SEMA4B: variants seen among roughly 807,000 people sequenced by gnomAD.
SEMA4B encodes the protein semaphorin 4B.
In SEMA4B, 55 loss-of-function variants were observed where a neutral mutation model predicts 88.1. The observed-to-expected ratio is 0.62, with a 90% CI of 0.50 to 0.78. The LOEUF (loss-of-function observed/expected upper bound fraction) is 0.78, where lower values mean the gene tolerates loss of function less well. SEMA4B is among the 30% of genes least tolerant of loss of function. SEMA4B has a pLI of 0.00. For synonymous variants in SEMA4B, 525 were observed against 473.6 expected (o/e 1.11, Z -1.41); for missense variants, 1,062 against 1,111.9 (o/e 0.96, Z 0.64).
chr15:90,196,738 C>T (rs4932167), upstream of SEMA4B, among the ~76,000 whole-genome samples: 18,323 of 152,138 alleles, frequency 0.12, 1,926 homozygotes, highest in East Asian at 0.56. Flanking sequence ...CCGCCCGCCT[C>T]AGCCTCCCAA....
At chr15:90,197,902 ATTTAT>A (rs572430133), upstream of SEMA4B, among the ~76,000 whole-genome samples, 1,954 of 151,110 alleles carry the variant, frequency 0.013, 45 homozygotes, top group African/African-American at 0.045. Flanking sequence ...CACTAGATTT[ATTTAT>A]TTTATTATTA....
Position 90,225,723 on chromosome 15 carries a change from G to A in SEMA4B, c.1584G>A (p.Leu528=), listed in dbSNP as rs373109089. 1.9e-6 allele frequency: 3 copies of A among 1,571,546 alleles called. No homozygotes were observed. Among genetic ancestry groups the A allele is most frequent in the Non-Finnish European group, 8.6e-7 (1 of 1,159,422 alleles). Reference sequence around the variant, plus strand: ...AGGTGCCCATGGCCAACTGCAGCCTGTACAGGAGCTGTGGGGACTGCCTCC... The same window carrying A: ...AGGTGCCCATGGCCAACTGCAGCCTATACAGGAGCTGTGGGGACTGCCTCC... ...VVQVPMANCS[L]YRSCGDCLLA... is the part of the protein sequence containing the mutation. The change falls in exon 12 of 14, where the codon CTG becomes CTA. Residue 528 remains leucine, a synonymous_variant. Coordinates refer to ENST00000411539, the MANE Select transcript of SEMA4B (RefSeq NM_198925.4).
Position 90,229,293 on chromosome 15 carries a change from G to GT in SEMA4B, c.*651dup, listed in dbSNP as rs1185722424. On this transcript the variant is annotated 3_prime_UTR_variant, in exon 14 of 14. Coordinates refer to ENST00000411539, the MANE Select transcript of SEMA4B (RefSeq NM_198925.4). ...CCCAACTCCTGGACCTTTCCAGCCT[G>GT]TATCAGGCTGTGGCCACACGAGAGG... 2 of 456,870 alleles carry GT rather than the reference G, an allele frequency of 4.4e-6. No homozygotes were observed. The highest frequency in any genetic ancestry group is 4.7e-5 in the Admixed American group (2 of 42,576). The allele number at this position is 456,870 out of a possible 1,614,324, so 28.3% of individuals were successfully genotyped here.
chr15:90,227,521 T>G (rs745361565), intron 12 of SEMA4B, 36 bp from the exon 13 acceptor site: 2 of 1,606,058 alleles, frequency 1.2e-6, no homozygotes, highest in Admixed American at 3.4e-5. Flanking sequence ...CTCAGGGGAC[T>G]TCCTGGCCAA....
intron 1 of SEMA4B, among the ~76,000 whole-genome samples, chr15:90,216,114 G>T (rs139797032): frequency 1.3e-5 from 2 of 151,512 alleles, no homozygotes; most frequent in African/African-American, 2.4e-5. Flanking sequence ...TCAGCCTCCC[G>T]AGTAGCTGGG....
chr15:90,214,377 C>G (rs1961427239), intron 1 of SEMA4B, among the ~76,000 whole-genome samples: 1 of 150,544 alleles, frequency 6.6e-6, no homozygotes, highest in South Asian at 2.1e-4. Context: ...GTGGCTCACG[C>G]CTGTAATCCC....
intron 1 of SEMA4B, among the ~76,000 whole-genome samples, chr15:90,191,511 C>G (rs957945474): frequency 1.3e-5 from 2 of 152,152 alleles, no homozygotes; most frequent in Non-Finnish European, 2.9e-5. Flanking sequence ...CTCTCTCCAG[C>G]CACCCATGAA....
Position 90,228,145 on chromosome 15 carries a change from A to G in SEMA4B, c.2016A>G (p.Pro672=), listed in dbSNP as rs1280318048. 1 of 1,611,580 alleles carries G rather than the reference A, an allele frequency of 6.2e-7. No individual in the cohort carries two copies. Among genetic ancestry groups the G allele is most frequent in the South Asian group, 1.1e-5 (1 of 90,636 alleles). ...GFQQLVASYC[P]EVVEDGVADQ... is the part of the protein sequence containing the mutation. ...AGCAGCTGGTAGCCAGCTACTGCCC[A>G]GAGGTGGTGGAGGACGGGGTGGCAG... is the stretch of plus-strand genomic sequence containing the variant. The change falls in exon 14 of 14, where the codon CCA becomes CCG. Residue 672 remains proline, a synonymous_variant. Transcript: ENST00000411539.
rs114583553 is a variant in SEMA4B at position 90,220,071 on chromosome 15, C to T, written c.483+180C>T. On this transcript the variant is annotated intron_variant, in intron 4 of 13. Transcript: ENST00000411539. ...ACCCTGGCACAAAGCGCAGCCCTGA[C>T]AGCCATGTCTCCCTGTGCGGGGAGG... The T allele has an allele frequency of 3.1e-3, 1,693 of 544,134 alleles. 26 individuals are homozygous for T. The highest frequency in any genetic ancestry group is 0.029 in the African/African-American group (1,503 of 52,184). The allele number at this position is 544,134 out of a possible 1,614,324, so 33.7% of individuals were successfully genotyped here.
rs1278831491 is a variant in SEMA4B at position 90,225,755 on chromosome 15, G to A, written c.1616G>A (p.Arg539Gln). 1.0e-5 allele frequency: 16 copies of A among 1,577,872 alleles called. No individual in the cohort carries two copies. Among genetic ancestry groups the A allele is most frequent in the East Asian group, 4.7e-5 (2 of 42,646 alleles). ...YRSCGDCLLA[R>Q]DPYCAWSGSS... is the part of the protein sequence containing the mutation. ...AGCTGTGGGGACTGCCTCCTCGCCCGGGACCCCTACTGTGCTTGGAGCGGC... is the reference window on the plus strand; with the variant it reads ...AGCTGTGGGGACTGCCTCCTCGCCCAGGACCCCTACTGTGCTTGGAGCGGC... The change falls in exon 12 of 14, where the codon CGG (arginine) becomes CAG (glutamine). Residue 539 changes from arginine (R) to glutamine (Q), a missense_variant. Arg to Gln is a conservative substitution (Grantham distance 43). Transcript: ENST00000411539.
chr15:90,184,985 C>G (rs1209812233), exon 1 of SEMA4B: 8 of 985,870 alleles, frequency 8.1e-6, no homozygotes, highest in Non-Finnish European at 8.4e-6. Flanking sequence ...AGGGGCTGCG[C>G]CGGGCCGGCC....
At chr15:90,192,586 C>CTTTTTTT (rs67328606) in intron 1 of SEMA4B, among the ~76,000 whole-genome samples, 8 of 88,664 alleles carry the variant, frequency 9.0e-5, no homozygotes, top group Admixed American at 1.4e-4. Flanking sequence ...TCCCTTGTAG[C>CTTTTTTT]TTTTTTTTTT....
rs1369240651 is a variant in SEMA4B, at chr15:90,201,568, C to G, written c.-11C>G. 1 of 1,484,024 alleles carries G rather than the reference C, an allele frequency of 6.7e-7. No individual in the cohort carries two copies. The highest frequency in any genetic ancestry group is 8.9e-7 in the Non-Finnish European group (1 of 1,123,992). 91.9% of individuals were successfully genotyped at this position (1,484,024 alleles called of 1,614,324 possible). A position where few individuals can be genotyped will look rare whatever the true frequency, so the allele number is the denominator to read the frequency against. ...CCCGAGCCGCGGGACACCGTCGCTCCTGCTCTCCGAATGCTGCGCACCGCG... is the reference window on the plus strand; with the variant it reads ...CCCGAGCCGCGGGACACCGTCGCTCGTGCTCTCCGAATGCTGCGCACCGCG... On this transcript the variant is annotated 5_prime_UTR_variant, in exon 1 of 14. Transcript: ENST00000411539.
intron 12 of SEMA4B, 121 bp from the exon 13 acceptor site, chr15:90,227,436 C>T: frequency 5.5e-6 from 4 of 728,932 alleles, no homozygotes; most frequent in African/African-American, 1.8e-5. Context: ...ATGCTGACTC[C>T]TGTGGGTGGG....
upstream of SEMA4B, chr15:90,201,251 G>A (rs980709943): frequency 2.7e-4 from 270 of 1,002,010 alleles, no homozygotes; most frequent in African/African-American, 2.4e-3. Flanking sequence ...CGCTGCCAGC[G>A]CCCGGGAAGG....
chr15:90,196,354 T>G (rs1401689535), upstream of SEMA4B, among the ~76,000 whole-genome samples: 1 of 152,190 alleles, frequency 6.6e-6, no homozygotes, highest in East Asian at 1.9e-4. Context: ...GAGATAAATG[T>G]TCCCTTTGGT....
chr15:90,219,765 C>T (rs1465616400), intron 3 of SEMA4B, 28 bp from the exon 4 acceptor site: 1 of 1,581,472 alleles, frequency 6.3e-7, no homozygotes, highest in South Asian at 1.1e-5. Flanking sequence ...GGGCGTGGGA[C>T]TGATATCCCC....
At chr15:90,216,541 A>G (rs1961540944) in intron 1 of SEMA4B, among the ~76,000 whole-genome samples, 1 of 152,200 alleles carries the variant, frequency 6.6e-6, no homozygotes, top group African/African-American at 2.4e-5. Context: ...TTCTGAGGTC[A>G]AAATTGAAAA....
intron 1 of SEMA4B, among the ~76,000 whole-genome samples, chr15:90,185,494 G>T (rs574163221): frequency 9.2e-5 from 14 of 152,378 alleles, no homozygotes; most frequent in African/African-American, 3.4e-4. Flanking sequence ...GAGCACCAAG[G>T]TGCTAGAAGG....
Sources: gnomAD v4.1 joint callset for allele counts (sites outside exome capture counted in the v4.1 genomes callset) on GRCh38, gnomAD v4.1.1 for gene constraint, MANE v1.5 for transcripts, NCBI Gene and HGNC (gene_info 2026-07-23, HGNC 2026-07-21) for gene names.